Variants in GPR39 observed in about 807,000 individuals in gnomAD.
GPR39 encodes the protein G protein-coupled receptor 39.
GPR39 carries 23 observed loss-of-function variants against 18.4 expected under a neutral mutation model. The ratio of observed to expected loss-of-function variants is 1.25; its 90% CI spans 0.90 to 1.77. The LOEUF is 1.77. Ranked by LOEUF, GPR39 falls within the 40% of genes most tolerant of loss-of-function variation. GPR39 has a pLI of 0.00. For synonymous variants in GPR39, 280 were observed against 257.9 expected (o/e 1.09, Z -0.82); for missense variants, 647 against 602.4 (o/e 1.07, Z -0.78).
chr2:132,428,199 GC>G (rs1558796057), intron 1 of GPR39, among the ~76,000 whole-genome samples: 1 of 152,032 alleles, frequency 6.6e-6, no homozygotes, highest in African/African-American at 2.4e-5. Flanking sequence ...CAAGAAGCCT[GC>G]CTGGACTGGC....
intron 1 of GPR39, among the ~76,000 whole-genome samples, chr2:132,455,761 G>T (rs566666678): frequency 9.9e-5 from 15 of 152,164 alleles, no homozygotes; most frequent in Non-Finnish European, 2.1e-4. Context: ...TCAGGAGCAG[G>T]TTGTTCAGTT....
chr2:132,586,010 G>A (rs576362985), intron 1 of GPR39, among the ~76,000 whole-genome samples: 5 of 127,310 alleles, frequency 3.9e-5, no homozygotes, highest in South Asian at 2.8e-4. Flanking sequence ...ACCGCAGAAA[G>A]TTCATTAACA....
chr2:132,439,332 G>T (rs1680393149), intron 1 of GPR39, among the ~76,000 whole-genome samples: 1 of 152,168 alleles, frequency 6.6e-6, no homozygotes, highest in Non-Finnish European at 1.5e-5. Flanking sequence ...CAAAATAAAG[G>T]TACCTGGGTA....
At chr2:132,438,306 T>G (rs1680369055) in intron 1 of GPR39, among the ~76,000 whole-genome samples, 1 of 152,174 alleles carries the variant, frequency 6.6e-6, no homozygotes, top group African/African-American at 2.4e-5. Flanking sequence ...TTGTTGTTGT[T>G]GTTTGTTTTT....
chr2:132,596,145 T>C (rs913279309), intron 1 of GPR39, among the ~76,000 whole-genome samples: 1 of 152,176 alleles, frequency 6.6e-6, no homozygotes, highest in South Asian at 2.1e-4. Flanking sequence ...GAGACCAAGC[T>C]TAAAGAAAAT....
intron 1 of GPR39, among the ~76,000 whole-genome samples, chr2:132,424,568 T>A (rs1264567261): frequency 6.6e-6 from 1 of 152,098 alleles, no homozygotes; most frequent in African/African-American, 2.4e-5. Context: ...TAACTTCATA[T>A]CTCTCCCTTT....
intron 1 of GPR39, among the ~76,000 whole-genome samples, chr2:132,468,280 G>A (rs1680968235): frequency 6.6e-6 from 1 of 152,126 alleles, no homozygotes; most frequent in South Asian, 2.1e-4. Context: ...TTCTAGACCA[G>A]GAAAAGAAAC....
At chr2:132,470,497 T>G (rs114812665) in intron 1 of GPR39, among the ~76,000 whole-genome samples, 2 of 151,908 alleles carry the variant, frequency 1.3e-5, no homozygotes, top group East Asian at 3.9e-4. Flanking sequence ...ACGGGGCAAG[T>G]AGGGTGCCGA....
At chr2:132,627,814 C>G (rs954605973) in intron 1 of GPR39, among the ~76,000 whole-genome samples, 7 of 152,164 alleles carry the variant, frequency 4.6e-5, no homozygotes, top group African/African-American at 1.7e-4. Flanking sequence ...TAGCAGCTGC[C>G]CAGCTGGACA....
At chr2:132,529,430 G>A (rs1361466420) in intron 1 of GPR39, among the ~76,000 whole-genome samples, 1 of 152,234 alleles carries the variant, frequency 6.6e-6, no homozygotes, top group Non-Finnish European at 1.5e-5. Context: ...TCTGGGGGCA[G>A]GGCACAGACA....
chr2:132,492,996 T>C (rs1681528673), intron 1 of GPR39, among the ~76,000 whole-genome samples: 1 of 142,296 alleles, frequency 7.0e-6, no homozygotes, highest in Non-Finnish European at 1.5e-5. Context: ...ACACCATAGA[T>C]ATACCATATA....
At chr2:132,557,924 A>G (rs1289915560) in intron 1 of GPR39, among the ~76,000 whole-genome samples, 1 of 150,890 alleles carries the variant, frequency 6.6e-6, no homozygotes, top group Non-Finnish European at 1.5e-5. Flanking sequence ...GCACCTAGAT[A>G]AGGGTTCAGG....
intron 1 of GPR39, among the ~76,000 whole-genome samples, chr2:132,494,438 A>G (rs1681599315): frequency 6.6e-6 from 1 of 152,070 alleles, no homozygotes; most frequent in Admixed American, 6.5e-5. Context: ...AATGCCTGGT[A>G]TTATTTGGCA....
At chr2:132,453,143 T>G (rs1187544633) in intron 1 of GPR39, among the ~76,000 whole-genome samples, 1 of 152,196 alleles carries the variant, frequency 6.6e-6, no homozygotes, top group East Asian at 1.9e-4. Flanking sequence ...CCAGCATCTG[T>G]TGTTTCCTGA....
intron 1 of GPR39, among the ~76,000 whole-genome samples, chr2:132,530,254 A>C (rs2104774823): frequency 6.6e-6 from 1 of 152,360 alleles, no homozygotes; most frequent in African/African-American, 2.4e-5. Flanking sequence ...AAAGGGTATC[A>C]GTGATGGAAG....
At chr2:132,608,997 C>A (rs1490682197) in intron 1 of GPR39, among the ~76,000 whole-genome samples, 1 of 152,114 alleles carries the variant, frequency 6.6e-6, no homozygotes, top group Non-Finnish European at 1.5e-5. Flanking sequence ...GATGGACAAA[C>A]AAATAAATGG....
intron 1 of GPR39, among the ~76,000 whole-genome samples, chr2:132,577,983 A>G (rs1309072305): frequency 6.6e-6 from 1 of 151,826 alleles, no homozygotes; most frequent in Non-Finnish European, 1.5e-5. Context: ...TGAGGCTTTC[A>G]TTAAGTGTAA....
At chr2:132,546,724 T>C (rs900958736) in intron 1 of GPR39, among the ~76,000 whole-genome samples, 1 of 151,168 alleles carries the variant, frequency 6.6e-6, no homozygotes, top group African/African-American at 2.4e-5. Flanking sequence ...CAGTGGACGT[T>C]GGCACCCTGG....
At chr2:132,496,045 T>G (rs1352089819) in intron 1 of GPR39, among the ~76,000 whole-genome samples, 1 of 152,150 alleles carries the variant, frequency 6.6e-6, no homozygotes, top group East Asian at 1.9e-4. Flanking sequence ...GGACTTCCAA[T>G]TTTCACCCCT....
Sources: gnomAD v4.1 joint callset for allele counts (sites outside exome capture counted in the v4.1 genomes callset) on GRCh38, gnomAD v4.1.1 for gene constraint, MANE v1.5 for transcripts, NCBI Gene and HGNC (gene_info 2026-07-23, HGNC 2026-07-21) for gene names.